SGCZ: variants seen among roughly 807,000 people sequenced by gnomAD.
SGCZ encodes sarcoglycan zeta.
Under a neutral mutation model 41.3 loss-of-function variants are expected in SGCZ, and 40 were observed. That is an observed-to-expected ratio of 0.97 (90% CI 0.75 to 1.26). The LOEUF is 1.26. Ranked by LOEUF, SGCZ falls within the 50% of genes most tolerant of loss-of-function variation. The pLI, the probability that SGCZ is intolerant of heterozygous loss-of-function variation, is 0.00. For missense variants in SGCZ, 552 were observed against 369.8 expected, an observed-to-expected ratio of 1.49 and a Z score of -4.04; for synonymous variants, 206 against 137.5, an observed-to-expected ratio of 1.50 and a Z score of -3.49.
At chr8:14,102,316 A>G in intron 7 of SGCZ, 60 bp downstream of exon 7, 1 of 1,342,026 alleles carries the variant, frequency 7.5e-7, no homozygotes, top group South Asian at 2.4e-5. Flanking sequence ...TAGGACATCT[A>G]AATACTTGTG....
intron 1 of SGCZ, among the ~76,000 whole-genome samples, chr8:14,956,812 T>A (rs1272629296): frequency 1.3e-5 from 2 of 152,248 alleles, no homozygotes; most frequent in African/African-American, 4.8e-5. Context: ...GTTACATTAC[T>A]AGGAAAATAA....
chr8:15,198,593 A>G (rs1037859175), intron 1 of SGCZ, among the ~76,000 whole-genome samples: 9 of 152,230 alleles, frequency 5.9e-5, no homozygotes, highest in African/African-American at 2.2e-4. Context: ...AATATCAAGT[A>G]GCTACAACTC....
At chr8:14,711,550 C>T (rs1037106377) in intron 1 of SGCZ, among the ~76,000 whole-genome samples, 7 of 135,822 alleles carry the variant, frequency 5.2e-5, no homozygotes, top group African/African-American at 1.9e-4. Flanking sequence ...TGTAGTGAGC[C>T]AAGATTGCTC....
At chr8:14,853,476 C>T (rs1803419478) in intron 1 of SGCZ, 1 of 532,966 alleles carries the variant, frequency 1.9e-6, no homozygotes, top group Non-Finnish European at 3.8e-6. Context: ...GATTAATATC[C>T]ACCCAAAGCC....
intron 2 of SGCZ, among the ~76,000 whole-genome samples, chr8:14,384,587 T>C (rs1051426996): frequency 4.6e-5 from 7 of 152,214 alleles, no homozygotes; most frequent in Admixed American, 1.3e-4. Flanking sequence ...TGAGACAAAG[T>C]CTCACTCTGT....
intron 1 of SGCZ, among the ~76,000 whole-genome samples, chr8:14,982,876 T>G (rs188908875): frequency 6.6e-6 from 1 of 152,336 alleles, no homozygotes; most frequent in Non-Finnish European, 1.5e-5. Flanking sequence ...TTCAAACTTT[T>G]ATTAGCATTT....
At chr8:14,758,133 G>A (rs1267497528) in intron 1 of SGCZ, among the ~76,000 whole-genome samples, 1 of 152,066 alleles carries the variant, frequency 6.6e-6, no homozygotes. Context: ...AAAGTACAAT[G>A]ATATTTCTCT....
At chr8:14,373,925 C>G (rs1804007469) in intron 2 of SGCZ, among the ~76,000 whole-genome samples, 1 of 152,090 alleles carries the variant, frequency 6.6e-6, no homozygotes, top group Non-Finnish European at 1.5e-5. Flanking sequence ...CACCATGGCA[C>G]ACGTTTACCT....
At chr8:14,985,085 A>G (rs947599668) in intron 1 of SGCZ, among the ~76,000 whole-genome samples, 8 of 152,178 alleles carry the variant, frequency 5.3e-5, no homozygotes, top group African/African-American at 1.4e-4. Context: ...CCAATACCCA[A>G]TGGTCAAATA....
chr8:15,137,687 G>A (rs1174238307), intron 1 of SGCZ, among the ~76,000 whole-genome samples: 1 of 152,200 alleles, frequency 6.6e-6, no homozygotes, highest in African/African-American at 2.4e-5. Context: ...TGAGCCTGCA[G>A]CTACACAGAA....
chr8:14,150,860 C>T (rs935829845), intron 5 of SGCZ, among the ~76,000 whole-genome samples: 4 of 152,060 alleles, frequency 2.6e-5, no homozygotes, highest in African/African-American at 4.8e-5. Flanking sequence ...GAATGAAATC[C>T]AGTCACTTGC....
intron 1 of SGCZ, among the ~76,000 whole-genome samples, chr8:14,721,027 T>G (rs1247306293): frequency 6.6e-6 from 1 of 150,736 alleles, no homozygotes; most frequent in African/African-American, 2.4e-5. Context: ...GCAGACCATT[T>G]TCTCCTTAAT....
intron 4 of SGCZ, among the ~76,000 whole-genome samples, chr8:14,229,953 T>A (rs1806503261): frequency 6.6e-6 from 1 of 152,098 alleles, no homozygotes; most frequent in Non-Finnish European, 1.5e-5. Context: ...CATTGAAAAA[T>A]AAAACTTTTT....
chr8:14,154,442 T>C (rs1803815678), intron 5 of SGCZ, among the ~76,000 whole-genome samples: 2 of 152,154 alleles, frequency 1.3e-5, no homozygotes, highest in Admixed American at 6.5e-5. Flanking sequence ...ACTCAGTTCA[T>C]GGTATTTTGT....
intron 1 of SGCZ, among the ~76,000 whole-genome samples, chr8:14,743,460 A>T (rs897496291): frequency 1.3e-5 from 2 of 152,128 alleles, no homozygotes; most frequent in African/African-American, 4.8e-5. Flanking sequence ...ATAGAAAAGT[A>T]AAATGAATCA....
In SGCZ at chr8:14,554,784, A is replaced by G. The variant is rs752099475; in HGVS notation, c.182T>C (p.Ile61Thr). The G allele has an allele frequency of 3.1e-6, 5 of 1,613,264 alleles. No homozygotes were observed. The highest frequency in any genetic ancestry group is 1.7e-6 in the Non-Finnish European group (2 of 1,179,510). ...CCATATTGTCATGGCTAAGTTAACT[A>G]TCATGGTAACCAACAGCAGAAGGAC... ...FFVLLLLVTMIVNLAMTIWIL... is the reference protein window; with the variant it reads ...FFVLLLLVTMTVNLAMTIWIL... Residue 61 changes from isoleucine to threonine, a missense_variant, in exon 2 of 8, where the codon ATA becomes ACA. Ile to Thr is a moderately conservative substitution (Grantham distance 89). Coordinates refer to ENST00000382080, the MANE Select transcript of SGCZ (RefSeq NM_139167.4).
intron 2 of SGCZ, among the ~76,000 whole-genome samples, chr8:14,337,111 A>C (rs7000497): frequency 0.7 from 107,144 of 152,020 alleles, 38,924 homozygotes; most frequent in South Asian, 0.88. Context: ...CCTAAAATTT[A>C]TACACCTTTA....
At chr8:14,650,328 G>A (rs917131277) in intron 1 of SGCZ, among the ~76,000 whole-genome samples, 1 of 152,012 alleles carries the variant, frequency 6.6e-6, no homozygotes, top group Non-Finnish European at 1.5e-5. Flanking sequence ...CGGAAGTTTA[G>A]CTTTAAAGTG....
chr8:15,175,065 G>A (rs1475691549), intron 1 of SGCZ, among the ~76,000 whole-genome samples: 1 of 151,922 alleles, frequency 6.6e-6, no homozygotes, highest in Non-Finnish European at 1.5e-5. Context: ...GTATACCAAT[G>A]TAACAAACCT....
Sources: gnomAD v4.1 joint callset for allele counts (sites outside exome capture counted in the v4.1 genomes callset) on GRCh38, gnomAD v4.1.1 for gene constraint, MANE v1.5 for transcripts, NCBI Gene and HGNC (gene_info 2026-07-23, HGNC 2026-07-21) for gene names.